The following CSGALNACT1 variants were observed in gnomAD, a reference collection of about 807,000 sequenced individuals.
CSGALNACT1 encodes the protein beta4GalNAcT-1.
A neutral mutation model predicts 51.0 loss-of-function variants in CSGALNACT1; 52 were observed. The observed-to-expected ratio is 1.02, with a 90% CI of 0.82 to 1.29. CSGALNACT1 has a LOEUF of 1.29. Among genes scored for constraint, CSGALNACT1 ranks in the 50% most tolerant of loss-of-function variants. The pLI, the probability that CSGALNACT1 is intolerant of heterozygous loss-of-function variation, is 0.00. For synonymous variants in CSGALNACT1, 341 were observed against 254.4 expected, an observed-to-expected ratio of 1.34 and a Z score of -3.24; for missense variants, 935 against 679.2, an observed-to-expected ratio of 1.38 and a Z score of -4.19.
intron 1 of CSGALNACT1, among the ~76,000 whole-genome samples, chr8:19,622,487 C>G (rs1475847601): frequency 6.6e-6 from 1 of 152,144 alleles, no homozygotes; most frequent in Non-Finnish European, 1.5e-5. Context: ...AATTATATTT[C>G]AAAACAAGGA....
At chr8:19,673,225 C>A (rs1002010429) in intron 1 of CSGALNACT1, among the ~76,000 whole-genome samples, 4 of 152,214 alleles carry the variant, frequency 2.6e-5, no homozygotes, top group African/African-American at 9.6e-5. Context: ...GGATATGGGA[C>A]TCAGAGCCTT....
chr8:19,482,708 C>T (rs1413793307), intron 4 of CSGALNACT1, among the ~76,000 whole-genome samples: 8 of 152,144 alleles, frequency 5.3e-5, no homozygotes, highest in Non-Finnish European at 1.2e-4. Flanking sequence ...GATCACAGAT[C>T]GCTTTTCACT....
rs2065485467 is a variant in CSGALNACT1, at chr8:19,757,742, C to CT, written c.-297+107dup. On this transcript the variant is annotated intron_variant, in intron 1 of 1. Transcript: ENST00000517494. This position sits in a 1 kb window ranked among gnomAD's most constrained non-coding sequence, Gnocchi z 4.0. ...GGCTGCCCTCCCCGCCGAGCGCCGA[C>CT]TTCCATGCAAAAACTTTGTAAATCG... 6.5e-6 allele frequency: 1 copy of CT among 152,798 alleles called. No homozygotes were observed. The highest frequency in any genetic ancestry group is 2.4e-5 in the African/African-American group (1 of 41,476). The allele number at this position is 152,798 out of a possible 1,614,324, so 9.5% of individuals were successfully genotyped here.
intron 3 of CSGALNACT1, among the ~76,000 whole-genome samples, chr8:19,557,703 T>A (rs891158190): frequency 7.2e-5 from 11 of 152,214 alleles, no homozygotes; most frequent in African/African-American, 2.4e-4. Flanking sequence ...GCACCCCCTG[T>A]CAACTCTGTT....
At chr8:19,582,514 G>T (rs2045792652) in intron 3 of CSGALNACT1, among the ~76,000 whole-genome samples, 2 of 152,146 alleles carry the variant, frequency 1.3e-5, no homozygotes, top group African/African-American at 4.8e-5. Flanking sequence ...CTGGCTTCAG[G>T]AGTGATACAC....
intron 6 of CSGALNACT1, among the ~76,000 whole-genome samples, chr8:19,425,109 G>A (rs118080928): frequency 0.097 from 14,787 of 152,164 alleles, 772 homozygotes; most frequent in South Asian, 0.18. Flanking sequence ...TTGGGAGGCC[G>A]AGACAGGCAG....
chr8:19,511,599 G>T (rs986520206), intron 3 of CSGALNACT1, among the ~76,000 whole-genome samples: 1 of 152,174 alleles, frequency 6.6e-6, no homozygotes, highest in Non-Finnish European at 1.5e-5. Flanking sequence ...TGTAGGCAGG[G>T]TGTGATAGCC....
chr8:19,405,865 C>G, exon 10 of CSGALNACT1: 1 of 1,614,124 alleles, frequency 6.2e-7, no homozygotes, highest in Non-Finnish European at 8.5e-7. Flanking sequence ...GCCCAGCTGG[C>G]CGTGGGATGC....
chr8:19,642,135 G>C (rs577712857), intron 1 of CSGALNACT1: 1 of 152,264 alleles, frequency 6.6e-6, no homozygotes, highest in Non-Finnish European at 1.5e-5. Flanking sequence ...GAATCATTTT[G>C]TTAGCTTTAC....
chr8:19,716,195 G>A (rs543183929), intron 1 of CSGALNACT1, among the ~76,000 whole-genome samples: 104 of 151,902 alleles, frequency 6.8e-4, no homozygotes, highest in Non-Finnish European at 9.7e-4. Context: ...CCAAAATAAA[G>A]CTTTTGTCTT....
chr8:19,504,150 C>G (rs1300815779), intron 4 of CSGALNACT1, among the ~76,000 whole-genome samples: 2 of 150,962 alleles, frequency 1.3e-5, no homozygotes, highest in Non-Finnish European at 1.5e-5. Flanking sequence ...GATCTCGGCT[C>G]ACTGCAAGCT....
intron 1 of CSGALNACT1, among the ~76,000 whole-genome samples, chr8:19,747,973 T>C (rs2064785256): frequency 2.6e-5 from 4 of 152,108 alleles, no homozygotes; most frequent in African/African-American, 9.7e-5. Flanking sequence ...AACTTGGAGG[T>C]CATAGGTATA....
exon 9 of CSGALNACT1, chr8:19,408,682 C>T (rs917800630): frequency 6.2e-7 from 1 of 1,613,830 alleles, no homozygotes; most frequent in Non-Finnish European, 8.5e-7. Flanking sequence ...AATCCAGTTT[C>T]CTTCTTTATG....
At chr8:19,485,379 T>C (rs1055412456) in intron 4 of CSGALNACT1, among the ~76,000 whole-genome samples, 1 of 151,936 alleles carries the variant, frequency 6.6e-6, no homozygotes, top group Non-Finnish European at 1.5e-5. Context: ...CCCCCTCCAC[T>C]GTGAGAGATA....
intron 1 of CSGALNACT1, among the ~76,000 whole-genome samples, chr8:19,665,444 CAGA>C (rs34732661): frequency 0.036 from 5,509 of 152,236 alleles, 347 homozygotes; most frequent in African/African-American, 0.13. Context: ...GGCCAAAACT[CAGA>C]AGGAGTAAGA....
chr8:19,672,038 A>G (rs1405687402), intron 1 of CSGALNACT1, among the ~76,000 whole-genome samples: 1 of 152,242 alleles, frequency 6.6e-6, no homozygotes, highest in Non-Finnish European at 1.5e-5. Flanking sequence ...ATAAAGTGGT[A>G]CATTTACATA....
At chr8:19,750,919 T>C (rs1348723958) in intron 1 of CSGALNACT1, among the ~76,000 whole-genome samples, 2 of 152,168 alleles carry the variant, frequency 1.3e-5, no homozygotes, top group Non-Finnish European at 2.9e-5. Flanking sequence ...GGAAGTTAGA[T>C]GTTAAACAGA....
At chr8:19,462,600 C>G (rs2065793333) in intron 4 of CSGALNACT1, among the ~76,000 whole-genome samples, 1 of 152,170 alleles carries the variant, frequency 6.6e-6, no homozygotes, top group Admixed American at 6.5e-5. Flanking sequence ...CAGCCATGGT[C>G]AGTGGTTCCA....
intron 3 of CSGALNACT1, among the ~76,000 whole-genome samples, chr8:19,509,858 G>A (rs902400807): frequency 1.3e-5 from 2 of 152,128 alleles, no homozygotes; most frequent in Admixed American, 6.5e-5. Flanking sequence ...AGAGATGACA[G>A]TGAAAATACA....
Sources: allele counts gnomAD v4.1 joint callset (sites outside exome capture counted in the v4.1 genomes callset), GRCh38; gene constraint gnomAD v4.1.1; non-coding constraint Gnocchi (gnomAD v3.1); transcripts MANE v1.5; gene names NCBI Gene and HGNC (gene_info 2026-07-23, HGNC 2026-07-21).